RPTOR: variants seen among roughly 807,000 people sequenced by gnomAD.
RPTOR encodes regulatory associated protein of MTOR complex 1.
RPTOR carries 21 observed loss-of-function variants against 169.9 expected under a neutral mutation model. The observed-to-expected ratio is 0.12, with a 90% CI of 0.09 to 0.18. The LOEUF is 0.18. Ranked by LOEUF, RPTOR falls within the 10% of genes least tolerant of loss-of-function variation. The probability of loss-of-function intolerance (pLI) is 1.00; values close to 1 mark genes in which losing one functional copy is unlikely to be tolerated. For synonymous variants in RPTOR, 732 were observed against 753.2 expected (o/e 0.97, Z 0.46); for missense variants, 1,133 against 1,855.9 (o/e 0.61, Z 7.16).
At chr17:80,952,632 GT>G (rs1329657546) in intron 28 of RPTOR, among the ~76,000 whole-genome samples, 6 of 152,186 alleles carry the variant, frequency 3.9e-5, no homozygotes, top group Non-Finnish European at 8.8e-5. Context: ...CATCTTGAAT[GT>G]TCTCCATGTG....
chr17:80,915,177 G>A (rs1454295430), intron 21 of RPTOR, among the ~76,000 whole-genome samples: 1 of 151,120 alleles, frequency 6.6e-6, no homozygotes, highest in African/African-American at 2.4e-5. Context: ...CTGAGCAGAC[G>A]TCGGGAAAAC....
chr17:80,951,351 TGACGAGAAAAG>T (rs1296385008), intron 28 of RPTOR, among the ~76,000 whole-genome samples: 3 of 152,216 alleles, frequency 2.0e-5, no homozygotes, highest in African/African-American at 7.2e-5. Flanking sequence ...GAAGCAGCAC[TGACGAGAAAAG>T]CGGCCTTCTC....
At chr17:80,579,942 G>A (rs558439205) in intron 1 of RPTOR, among the ~76,000 whole-genome samples, 2 of 152,226 alleles carry the variant, frequency 1.3e-5, no homozygotes, top group African/African-American at 4.8e-5. Flanking sequence ...GCCTCAGCAC[G>A]GCATCTATCA....
At chr17:80,592,851 G>A (rs114169424) in intron 1 of RPTOR, among the ~76,000 whole-genome samples, 60 of 152,264 alleles carry the variant, frequency 3.9e-4, no homozygotes, top group African/African-American at 1.4e-3. Flanking sequence ...GCTAGGACAG[G>A]CCTGCGTTTC....
intron 3 of RPTOR, among the ~76,000 whole-genome samples, chr17:80,700,888 G>T (rs1281140168): frequency 6.6e-6 from 1 of 151,550 alleles, no homozygotes; most frequent in African/African-American, 2.4e-5. Context: ...GGCTTGACCT[G>T]GGTATTGATA....
At chr17:80,925,611 G>A in intron 24 of RPTOR, 131 bp downstream of exon 24, 1 of 712,760 alleles carries the variant, frequency 1.4e-6, no homozygotes, top group East Asian at 2.7e-5. Context: ...GATGGTCACG[G>A]TTGAGGTAGA....
chr17:80,898,770 G>A (rs549851441), intron 20 of RPTOR, among the ~76,000 whole-genome samples: 8 of 149,156 alleles, frequency 5.4e-5, no homozygotes, highest in Middle Eastern at 3.4e-3. Flanking sequence ...CGCCGTCTCC[G>A]TCTAGTGAGT....
Position 80,923,639 on chromosome 17 carries a change from G to A in RPTOR, c.2774G>A (p.Arg925Gln), listed in dbSNP as rs1232044935. Reference sequence around the variant, plus strand: ...ACCCCTCACTCCCACCAGTTCCCCCGGACACGGAAGATGTTCGACAAGGGC... The same window carrying A: ...ACCCCTCACTCCCACCAGTTCCCCCAGACACGGAAGATGTTCGACAAGGGC... ...QYTPHSHQFP[R>Q]TRKMFDKGPE... The change falls in exon 23 of 34, where the codon CGG becomes CAG. Residue 925 changes from arginine (R) to glutamine (Q), a missense_variant. Transcript: ENST00000306801. 4 of 1,608,312 alleles carry A rather than the reference G, an allele frequency of 2.5e-6. 1 individual carries two copies. The highest frequency in any genetic ancestry group is 3.4e-6 in the Non-Finnish European group (4 of 1,176,226).
chr17:80,831,014 G>C (rs2067497927), intron 9 of RPTOR, among the ~76,000 whole-genome samples: 1 of 152,102 alleles, frequency 6.6e-6, no homozygotes, highest in South Asian at 2.1e-4. Flanking sequence ...CAAAGTGCTG[G>C]AATTAACAGG....
chr17:80,673,519 G>GT (rs1002110809), intron 3 of RPTOR, among the ~76,000 whole-genome samples: 2 of 152,194 alleles, frequency 1.3e-5, no homozygotes, highest in African/African-American at 4.8e-5. Context: ...TGTCATCGTT[G>GT]TTTGGCCTCC....
chr17:80,780,868 CTAATTGAGTT>C (rs2066935381), intron 6 of RPTOR, among the ~76,000 whole-genome samples: 1 of 152,126 alleles, frequency 6.6e-6, no homozygotes, highest in Admixed American at 6.5e-5. Flanking sequence ...CCTGATTTCC[CTAATTGAGTT>C]TGAGTCAGTG....
chr17:80,692,676 T>G (rs2066003227), intron 3 of RPTOR, among the ~76,000 whole-genome samples: 1 of 151,914 alleles, frequency 6.6e-6, no homozygotes, highest in Admixed American at 6.6e-5. Context: ...TTGCCCAGGC[T>G]GGTCTTGAAC....
At chr17:80,879,760 G>A (rs1021945665) in intron 13 of RPTOR, among the ~76,000 whole-genome samples, 1 of 152,288 alleles carries the variant, frequency 6.6e-6, no homozygotes, top group East Asian at 1.9e-4. Context: ...CGACTGAGGC[G>A]AGTCATGGCC....
intron 33 of RPTOR, among the ~76,000 whole-genome samples, chr17:80,963,826 A>C (rs1359723399): frequency 8.2e-6 from 1 of 122,156 alleles, no homozygotes; most frequent in Non-Finnish European, 1.7e-5. Flanking sequence ...TGTGCGGCCG[A>C]GTCCTCACCC....
intron 2 of RPTOR, among the ~76,000 whole-genome samples, chr17:80,640,963 C>G (rs1232270382): frequency 6.6e-6 from 1 of 152,244 alleles, no homozygotes; most frequent in Non-Finnish European, 1.5e-5. Context: ...TCAACGCCTT[C>G]CAGCCAGCCC....
chr17:80,663,873 C>T (rs776208614), intron 3 of RPTOR, among the ~76,000 whole-genome samples: 2 of 152,036 alleles, frequency 1.3e-5, no homozygotes, highest in Admixed American at 6.5e-5. Flanking sequence ...GGCTGGCCTG[C>T]CCTGCTTTGG....
chr17:80,664,428 C>T (rs2065747868), intron 3 of RPTOR, among the ~76,000 whole-genome samples: 1 of 152,192 alleles, frequency 6.6e-6, no homozygotes, highest in Non-Finnish European at 1.5e-5. Flanking sequence ...GCTTCACCCT[C>T]TCCTCCTCGA....
Position 80,892,827 on chromosome 17 carries a change from A to C in RPTOR, c.2200A>C (p.Ser734Arg). The C allele has an allele frequency of 6.2e-7, 1 of 1,614,222 alleles. No individual in the cohort carries two copies. Among genetic ancestry groups the C allele is most frequent in the Non-Finnish European group, 8.5e-7 (1 of 1,180,034 alleles). ...CATCCGTGCTGTCGCCACAGCCAGGAGCCTCAACAAATCTTTGCAGAACCT... is the reference window on the plus strand; with the variant it reads ...CATCCGTGCTGTCGCCACAGCCAGGCGCCTCAACAAATCTTTGCAGAACCT... ...GNIRAVATAR[S>R]LNKSLQNLSL... The change falls in exon 19 of 34, where the codon AGC (serine) becomes CGC (arginine). Residue 734 changes from serine (S) to arginine (R), a missense_variant. By Grantham distance (110) the Ser-to-Arg change is moderately radical. Around this residue, in one of 9 missense-constraint regions of RPTOR, gnomAD observed 150 missense variants for 206.4 expected, o/e 0.73. Transcript: ENST00000306801.
At chr17:80,686,127 T>C (rs553283365) in intron 3 of RPTOR, among the ~76,000 whole-genome samples, 1 of 152,056 alleles carries the variant, frequency 6.6e-6, no homozygotes, top group African/African-American at 2.4e-5. Flanking sequence ...TGAGTCTTCC[T>C]GTGCCCAGAT....
Sources: gnomAD v4.1 joint callset for allele counts (sites outside exome capture counted in the v4.1 genomes callset) on GRCh38, gnomAD v4.1.1 for gene constraint, gnomAD v4.1.1 regional missense constraint, MANE v1.5 for transcripts, NCBI Gene and HGNC (gene_info 2026-07-23, HGNC 2026-07-21) for gene names.